Variants in ENTPD7 observed in about 807,000 individuals in gnomAD.
The protein encoded by ENTPD7 is NTPDase 7.
ENTPD7 carries 53 observed loss-of-function variants against 77.9 expected under a neutral mutation model. The observed-to-expected ratio is 0.68, with a 90% CI of 0.55 to 0.85. The LOEUF (loss-of-function observed/expected upper bound fraction) is 0.85, where lower values mean the gene tolerates loss of function less well. ENTPD7 is among the 40% of genes least tolerant of loss of function. The pLI is 0.00. For missense variants in ENTPD7, 636 were observed against 743.7 expected (o/e 0.86, Z 1.68); for synonymous variants, 248 against 274.9 (o/e 0.90, Z 0.97).
intron 9 of ENTPD7, among the ~76,000 whole-genome samples, chr10:99,696,833 C>G (rs1157646696): frequency 1.3e-5 from 2 of 151,932 alleles, no homozygotes; most frequent in African/African-American, 4.8e-5. Flanking sequence ...GGAATGAAAC[C>G]AGTTTAAGTA....
rs1248477072 is a variant in ENTPD7, at chr10:99,702,660, T to G, written c.1570T>G (p.Phe524Val). Residue 524 changes from phenylalanine (F) to valine (V), a missense_variant, in exon 12 of 13, where the codon TTC becomes GTC. Coordinates refer to ENST00000370489, the MANE Select transcript of ENTPD7 (RefSeq NM_020354.5). ...GGGAGCCATTCTATATAAAACACGA[T>G]TCTTACCACTCAGGTAAAGTAAGAC... The part of the protein sequence containing the change: ...TLGAILYKTR[F>V]LPLRDLRQEG... 6.2e-7 allele frequency: 1 copy of G among 1,611,216 alleles called. No individual in the cohort carries two copies. Among genetic ancestry groups the G allele is most frequent in the Non-Finnish European group, 8.5e-7 (1 of 1,178,944 alleles).
Position 99,659,844 on chromosome 10 carries a change from GA to G in ENTPD7, c.-95-15del. ...CGTGGGCTCAGTCGGACAGAAGCCT[GA>G]AATCAAATCTTTCTAGGCTGCAGAC... On this transcript the variant is annotated splice_polypyrimidine_tract_variant and intron_variant, in intron 1 of 12. Coordinates refer to ENST00000370489, the MANE Select transcript of ENTPD7 (RefSeq NM_020354.5). The surrounding 1 kb of genome is among the most constrained non-coding windows in gnomAD (Gnocchi z 4.1). The G allele has an allele frequency of 6.7e-7, 1 of 1,491,782 alleles. No individual in the cohort carries two copies. The highest frequency in any genetic ancestry group is 9.2e-7 in the Non-Finnish European group (1 of 1,084,012). The allele number at this position is 1,491,782 out of a possible 1,614,324, so 92.4% of individuals were successfully genotyped here.
chr10:99,666,123 C>A (rs1187645422), intron 3 of ENTPD7, among the ~76,000 whole-genome samples: 1 of 152,022 alleles, frequency 6.6e-6, no homozygotes, highest in East Asian at 1.9e-4. Flanking sequence ...GTCTGTTAAG[C>A]TATTTTAGAG....
Position 99,693,938 on chromosome 10 carries a change from C to T in ENTPD7, c.844-2018C>T, listed in dbSNP as rs11190247. Among the ~76,000 whole-genome samples the T allele has an allele frequency of 3.2e-3, 485 of 151,688 alleles. 3 individuals carry two copies. Among genetic ancestry groups the T allele is most frequent in the African/African-American group, 0.011 (462 of 41,376 alleles). ...ATCTCAAAAAAAAAAAAAATAGTAA[C>T]TACACATAGCAATATAATGGCTCTT... On this transcript the variant is annotated intron_variant, in intron 8 of 12. Transcript: ENST00000370489.
intron 2 of ENTPD7, chr10:99,660,553 C>G (rs200763345): frequency 2.4e-5 from 7 of 289,460 alleles, no homozygotes; most frequent in Admixed American, 4.7e-5. Context: ...CACACACACA[C>G]ACACACACAG....
At chr10:99,661,394 A>G in intron 2 of ENTPD7, 52 bp from the exon 3 acceptor site, 2 of 1,474,912 alleles carry the variant, frequency 1.4e-6, no homozygotes, top group Non-Finnish European at 1.8e-6. Flanking sequence ...ACGATATTTA[A>G]GCACTCAGTT....
intron 5 of ENTPD7, among the ~76,000 whole-genome samples, chr10:99,680,353 C>T (rs1482689702): frequency 1.3e-5 from 2 of 152,084 alleles, no homozygotes; most frequent in African/African-American, 4.8e-5. Context: ...TCCACTTGAC[C>T]TTTGCAATTC....
chr10:99,679,483 A>G lies in ENTPD7; in HGVS notation c.397+17A>G, dbSNP rs954032389. On this transcript the variant is annotated intron_variant, in intron 4 of 12. Transcript: ENST00000370489. ...TCAAGCCAGGTACTAATCAGAATAT[A>G]TTTTGTTGTCAGTCTCTTTTAAGGC... is the stretch of plus-strand genomic sequence containing the variant. 1 of 1,596,094 alleles carries G rather than the reference A, an allele frequency of 6.3e-7. No individual in the cohort carries two copies. Among genetic ancestry groups the G allele is most frequent in the Non-Finnish European group, 8.5e-7 (1 of 1,172,902 alleles).
intron 8 of ENTPD7, 72 bp downstream of exon 8, chr10:99,691,590 A>T (rs1173990718): frequency 1.3e-6 from 2 of 1,531,482 alleles, no homozygotes; most frequent in Admixed American, 1.8e-5. Context: ...CTGTCTTTGG[A>T]CTTAGACCAA....
intron 7 of ENTPD7, among the ~76,000 whole-genome samples, chr10:99,691,072 A>G (rs6584309): frequency 0.84 from 127,978 of 152,174 alleles, 54,064 homozygotes; most frequent in Middle Eastern, 0.92. Context: ...CTGCAGCCTC[A>G]AACTCTTGGG....
Position 99,659,924 on chromosome 10 carries a change from G to A in ENTPD7, c.-33G>A. The A allele has an allele frequency of 6.2e-7, 1 of 1,613,948 alleles. No homozygotes were observed. The highest frequency in any genetic ancestry group is 8.5e-7 in the Non-Finnish European group (1 of 1,179,960). On this transcript the variant is annotated 5_prime_UTR_variant, in exon 2 of 13. Coordinates refer to ENST00000370489, the MANE Select transcript of ENTPD7 (RefSeq NM_020354.5). This position sits in a 1 kb window ranked among gnomAD's most constrained non-coding sequence, Gnocchi z 4.1. ...CCTTCTCAGGGCAAAAGAAAAAGAA[G>A]GTGACAGGCGTTGAGACCACCGAAG...
chr10:99,675,882 C>G (rs189516954), intron 3 of ENTPD7, among the ~76,000 whole-genome samples: 4 of 152,214 alleles, frequency 2.6e-5, no homozygotes, highest in Admixed American at 2.6e-4. Flanking sequence ...AGGCATGAGC[C>G]ACTGCGCCCA....
At chr10:99,702,318 G>C (rs932695513) in intron 11 of ENTPD7, among the ~76,000 whole-genome samples, 194 bp from the exon 12 acceptor site, 7 of 152,168 alleles carry the variant, frequency 4.6e-5, no homozygotes, top group Non-Finnish European at 8.8e-5. Flanking sequence ...CACAGCCACA[G>C]TATCATTATT....
rs368192875 is a variant in ENTPD7 at position 99,685,899 on chromosome 10, C to T, written c.652+4C>T. ...GTGATCTCTGGGAAGCAGGAAGGTACTGGGCCTTAAGGGGTGCAGCTGGTT... is the reference window on the plus strand; with the variant it reads ...GTGATCTCTGGGAAGCAGGAAGGTATTGGGCCTTAAGGGGTGCAGCTGGTT... On this transcript the variant is annotated splice_donor_region_variant and intron_variant, in intron 6 of 12. Coordinates refer to ENST00000370489, the MANE Select transcript of ENTPD7 (RefSeq NM_020354.5). 5.6e-6 allele frequency: 9 copies of T among 1,609,778 alleles called. No individual in the cohort carries two copies. The highest frequency in any genetic ancestry group is 6.8e-6 in the Non-Finnish European group (8 of 1,176,524).
chr10:99,701,893 C>G (rs1181325578), intron 11 of ENTPD7, among the ~76,000 whole-genome samples: 1 of 151,694 alleles, frequency 6.6e-6, no homozygotes, highest in African/African-American at 2.4e-5. Context: ...ACTAAAAATA[C>G]AAAAATTAGC....
rs1266337898 is a variant in ENTPD7 at position 99,704,865 on chromosome 10, A to G, written c.*182A>G. On this transcript the variant is annotated 3_prime_UTR_variant, in exon 13 of 13. Transcript: ENST00000370489. ...ACCCAGGTCTTCTCTGAGAGAAGCT[A>G]TAATTTAATCTGTGAGGAACTAAAT... 4 of 627,606 alleles carry G rather than the reference A, an allele frequency of 6.4e-6. No homozygotes were observed. The highest frequency in any genetic ancestry group is 3.7e-5 in the African/African-American group (2 of 54,318). 38.9% of individuals were successfully genotyped at this position (627,606 alleles called of 1,614,324 possible).
intron 3 of ENTPD7, among the ~76,000 whole-genome samples, chr10:99,672,307 CTTTTTT>C (rs35775014): frequency 7.2e-6 from 1 of 138,680 alleles, no homozygotes; most frequent in Non-Finnish European, 1.5e-5. Context: ...GTTACTTGAT[CTTTTTT>C]TTTTTTTTTG....
At chr10:99,698,000 C>G (rs992514729) in intron 9 of ENTPD7, 1 of 158,468 alleles carries the variant, frequency 6.3e-6, no homozygotes, top group Admixed American at 5.9e-5. Flanking sequence ...GCTCCAGGCT[C>G]TGCAGGTGGC....
chr10:99,681,021 C>A (rs934900252), intron 5 of ENTPD7, among the ~76,000 whole-genome samples: 1 of 152,212 alleles, frequency 6.6e-6, no homozygotes, highest in South Asian at 2.1e-4. Flanking sequence ...TGTTCATCCA[C>A]CTTGTCACAT....
Sources: allele counts gnomAD v4.1 joint callset (sites outside exome capture counted in the v4.1 genomes callset), GRCh38; gene constraint gnomAD v4.1.1; non-coding constraint Gnocchi (gnomAD v3.1); transcripts MANE v1.5; gene names NCBI Gene and HGNC (gene_info 2026-07-23, HGNC 2026-07-21).